CLTCL1: variants seen among roughly 807,000 people sequenced by gnomAD.
CLTCL1 encodes clathrin heavy chain 2.
A neutral mutation model predicts 190.0 loss-of-function variants in CLTCL1; 159 were observed. That is an observed-to-expected ratio of 0.84 (90% confidence interval 0.74 to 0.95). CLTCL1 has a LOEUF of 0.95. CLTCL1 is among the 40% of genes least tolerant of loss of function. The probability of loss-of-function intolerance (pLI) is 0.00; values close to 1 mark genes in which losing one functional copy is unlikely to be tolerated. For missense variants in CLTCL1, 1,878 were observed against 2,033.4 expected, an observed-to-expected ratio of 0.92 and a Z score of 1.47; for synonymous variants, 752 against 769.6, an observed-to-expected ratio of 0.98 and a Z score of 0.38.
chr22:19,287,470 G>T (rs1026486902), intron 1 of CLTCL1, among the ~76,000 whole-genome samples: 2 of 152,118 alleles, frequency 1.3e-5, no homozygotes, highest in African/African-American at 4.8e-5. Context: ...GTGTTGGGCT[G>T]GGAAGAACAG....
At chr22:19,275,430 C>T (rs998011686) in intron 2 of CLTCL1, among the ~76,000 whole-genome samples, 193 bp downstream of exon 2, 3 of 151,636 alleles carry the variant, frequency 2.0e-5, no homozygotes, top group Non-Finnish European at 4.4e-5. Flanking sequence ...GGTGATGTTA[C>T]CAAGAAGCTC....
At chr22:19,180,331 C>T (rs1414283017) in intron 31 of CLTCL1, 93 bp from the exon 32 acceptor site, 2 of 1,354,666 alleles carry the variant, frequency 1.5e-6, no homozygotes, top group East Asian at 2.3e-5. Flanking sequence ...ACCACACCCT[C>T]AGGCCTGTGT....
chr22:19,197,122 ACT>A (rs1306484990), intron 24 of CLTCL1, among the ~76,000 whole-genome samples: 3 of 151,636 alleles, frequency 2.0e-5, no homozygotes, highest in Admixed American at 6.6e-5. Flanking sequence ...CGCCTCTGAC[ACT>A]CTCCCTGGAC....
intron 3 of CLTCL1, among the ~76,000 whole-genome samples, chr22:19,245,182 C>T (rs1287998792): frequency 2.0e-5 from 3 of 150,520 alleles, no homozygotes; most frequent in Non-Finnish European, 3.0e-5. Context: ...CCCCTCTCCC[C>T]CTCCTTTTTT....
At chr22:19,222,653 G>A (rs2085610984) in intron 15 of CLTCL1, 31 bp downstream of exon 15, 1 of 1,578,366 alleles carries the variant, frequency 6.3e-7, no homozygotes, top group South Asian at 1.2e-5. Flanking sequence ...CCCAGAGGCA[G>A]CCGGGTGTCA....
chr22:19,200,992 G>A (rs1378038913), intron 23 of CLTCL1, among the ~76,000 whole-genome samples: 2 of 152,182 alleles, frequency 1.3e-5, no homozygotes, highest in African/African-American at 4.8e-5. Context: ...AGAGCCTCCA[G>A]ACAATTTACC....
intron 22 of CLTCL1, 54 bp downstream of exon 22, chr22:19,208,100 T>A (rs1601520351): frequency 1.9e-6 from 3 of 1,608,462 alleles, no homozygotes; most frequent in Non-Finnish European, 2.6e-6. Context: ...CTGAGGAACA[T>A]CCCTGGACCT....
chr22:19,195,561 T>C (rs2084670542), intron 26 of CLTCL1, among the ~76,000 whole-genome samples: 2 of 151,998 alleles, frequency 1.3e-5, no homozygotes, highest in African/African-American at 2.4e-5. Context: ...CCAAAGACCA[T>C]GGCACAAAGC....
chr22:19,216,970 T>C (rs1555949804), intron 18 of CLTCL1, among the ~76,000 whole-genome samples: 1 of 152,128 alleles, frequency 6.6e-6, no homozygotes, highest in Non-Finnish European at 1.5e-5. Context: ...CGTGTATCAA[T>C]GAGAGGGAAG....
At position 19,234,476 on chromosome 22, in the gene CLTCL1, C is replaced by A. The variant is rs576581061; in HGVS notation, c.1167+33G>T. 5 of 1,559,694 alleles carry A rather than the reference C, an allele frequency of 3.2e-6. No individual in the cohort carries two copies. The South Asian group carries it at 5.9e-5, about 18-fold the overall frequency. On this transcript the variant is annotated intron_variant, in intron 7 of 32. Coordinates refer to ENST00000427926, the MANE Select transcript of CLTCL1 (RefSeq NM_007098.4). ...CCTCTCAAGGTTGGTTCTTAACACT[C>A]AGAACACTTGAACAGTATTCAAGGT...
At chr22:19,250,238 A>G (rs2146036042) in intron 3 of CLTCL1, among the ~76,000 whole-genome samples, 1 of 152,142 alleles carries the variant, frequency 6.6e-6, no homozygotes, top group African/African-American at 2.4e-5. Flanking sequence ...TGGGTGACAG[A>G]GTGAGACTCT....
Position 19,221,534 on chromosome 22 carries a change from G to A in CLTCL1, c.2639C>T (p.Ala880Val). ...GTTGTTGCTGTCGATGTAGATTTTAGCCAGTGCATTGTGAGTGGCAGGCTC... is the reference window on the plus strand; with the variant it reads ...GTTGTTGCTGTCGATGTAGATTTTAACCAGTGCATTGTGAGTGGCAGGCTC... ...CEEPATHNAL[A>V]KIYIDSNNSP... The change falls in exon 17 of 33, where the codon GCT (alanine) becomes GTT (valine). Residue 880 changes from alanine to valine, a missense_variant. Coordinates refer to ENST00000427926, the MANE Select transcript of CLTCL1 (RefSeq NM_007098.4). 6.2e-7 allele frequency: 1 copy of A among 1,606,140 alleles called. No individual in the cohort carries two copies. The highest frequency in any genetic ancestry group is 8.5e-7 in the Non-Finnish European group (1 of 1,176,216).
At chr22:19,212,784 A>T (rs2085275955) in intron 19 of CLTCL1, among the ~76,000 whole-genome samples, 1 of 152,202 alleles carries the variant, frequency 6.6e-6, no homozygotes, top group Non-Finnish European at 1.5e-5. Flanking sequence ...TGCTGGAATA[A>T]ACTGGACATT....
intron 26 of CLTCL1, among the ~76,000 whole-genome samples, chr22:19,193,750 T>G (rs1025351330): frequency 1.2e-4 from 18 of 152,228 alleles, no homozygotes; most frequent in Admixed American, 9.8e-4. Context: ...TTAAAGATGT[T>G]GTGTCCAGAG....
At chr22:19,248,569 T>A (rs1436460717) in intron 3 of CLTCL1, among the ~76,000 whole-genome samples, 1 of 152,188 alleles carries the variant, frequency 6.6e-6, no homozygotes, top group African/African-American at 2.4e-5. Context: ...TCTCCCAGAC[T>A]CCACCTCCAG....
At chr22:19,291,126 T>C (rs1294732409) in intron 1 of CLTCL1, among the ~76,000 whole-genome samples, 2 of 152,244 alleles carry the variant, frequency 1.3e-5, no homozygotes, top group Non-Finnish European at 2.9e-5. Context: ...GGCTTGGCCC[T>C]GAGAAATTTT....
intron 2 of CLTCL1, among the ~76,000 whole-genome samples, chr22:19,269,712 C>A (rs190593779): frequency 6.6e-6 from 1 of 152,088 alleles, no homozygotes; most frequent in Non-Finnish European, 1.5e-5. Context: ...TGTTCTCACT[C>A]ATAAGTGGGA....
At chr22:19,287,586 G>A (rs2087952090) in intron 1 of CLTCL1, among the ~76,000 whole-genome samples, 1 of 152,172 alleles carries the variant, frequency 6.6e-6, no homozygotes, top group African/African-American at 2.4e-5. Context: ...TTGCCTGTGT[G>A]CTGGAGAATG....
At chr22:19,197,560 G>A (rs551563581) in intron 24 of CLTCL1, among the ~76,000 whole-genome samples, 3 of 152,208 alleles carry the variant, frequency 2.0e-5, no homozygotes, top group East Asian at 1.9e-4. Context: ...CTCTTGACCC[G>A]ATGTCCCTGC....
Sources: allele counts gnomAD v4.1 joint callset (sites outside exome capture counted in the v4.1 genomes callset), GRCh38; gene constraint gnomAD v4.1.1; transcripts MANE v1.5; gene names NCBI Gene and HGNC (gene_info 2026-07-23, HGNC 2026-07-21).